SPMIP4: variants seen among roughly 807,000 people sequenced by gnomAD.
The protein encoded by SPMIP4 is sperm microtubule inner protein 4.
At chr7:25,136,166 C>T in the SPMIP4 span, 1 of 1,614,016 alleles carries the variant, frequency 6.2e-7, no homozygotes, top group Non-Finnish European at 8.5e-7. This position sits in a 1 kb window ranked among gnomAD's most constrained non-coding sequence, Gnocchi z 5.7. Flanking sequence ...GGAATCCAAC[C>T]AAGAACAGGT....
chr7:25,161,029 T>C, the SPMIP4 span, among the ~76,000 whole-genome samples: 1 of 152,188 alleles, frequency 6.6e-6, no homozygotes, highest in Non-Finnish European at 1.5e-5. Flanking sequence ...TATTTGCTTT[T>C]GTTTGTTTGG....
chr7:25,151,605 T>C, the SPMIP4 span: 13 of 1,594,340 alleles, frequency 8.2e-6, no homozygotes, highest in Non-Finnish European at 9.5e-6. Flanking sequence ...CATCATAATA[T>C]ACACCTTGAC....
chr7:25,162,733 T>G, the SPMIP4 span, among the ~76,000 whole-genome samples: 1 of 152,044 alleles, frequency 6.6e-6, no homozygotes, highest in Non-Finnish European at 1.5e-5. Flanking sequence ...AAAATCCCTA[T>G]ACTATGACCC....
the SPMIP4 span, among the ~76,000 whole-genome samples, chr7:25,143,244 A>G: frequency 6.6e-6 from 1 of 152,232 alleles, no homozygotes; most frequent in Non-Finnish European, 1.5e-5. Context: ...TGAAGTTTAA[A>G]TCACTCAAAT....
At chr7:25,165,481 C>T in the SPMIP4 span, among the ~76,000 whole-genome samples, 72 of 152,058 alleles carry the variant, frequency 4.7e-4, 1 homozygote, top group African/African-American at 1.7e-3. Flanking sequence ...TAGACGGAGT[C>T]TCACTCTGTC....
the SPMIP4 span, chr7:25,135,219 T>C: frequency 1.1e-4 from 70 of 630,938 alleles, no homozygotes; most frequent in Non-Finnish European, 1.4e-4. Flanking sequence ...CCTTTCTTGC[T>C]ATAATTAGAA....
the SPMIP4 span, among the ~76,000 whole-genome samples, chr7:25,134,259 TAAACAA>T: frequency 2.6e-4 from 38 of 144,172 alleles, no homozygotes; most frequent in East Asian, 5.8e-3. Context: ...GACTCTGACT[TAAACAA>T]AAACAAAAAC....
the SPMIP4 span, among the ~76,000 whole-genome samples, chr7:25,166,826 G>A: frequency 6.6e-6 from 1 of 151,284 alleles, no homozygotes; most frequent in Non-Finnish European, 1.5e-5. Flanking sequence ...ACTCAGGAAG[G>A]GGAGGTTGCA....
At chr7:25,166,073 C>A in the SPMIP4 span, among the ~76,000 whole-genome samples, 1 of 152,096 alleles carries the variant, frequency 6.6e-6, no homozygotes, top group Non-Finnish European at 1.5e-5. Context: ...AATAAGGTTG[C>A]AGGAGAGGTG....
the SPMIP4 span, among the ~76,000 whole-genome samples, chr7:25,167,014 A>G: frequency 6.6e-6 from 1 of 152,260 alleles, no homozygotes; most frequent in African/African-American, 2.4e-5. Flanking sequence ...GAAGTAGATC[A>G]TCCTTAAGAA....
At chr7:25,158,037 C>G in the SPMIP4 span, among the ~76,000 whole-genome samples, 2 of 152,116 alleles carry the variant, frequency 1.3e-5, no homozygotes, top group African/African-American at 4.8e-5. Context: ...AGTAATGTTA[C>G]CCTGGACTTG....
chr7:25,136,250 A>G, the SPMIP4 span: 1 of 1,614,136 alleles, frequency 6.2e-7, no homozygotes, highest in Non-Finnish European at 8.5e-7. The surrounding 1 kb of genome is among the most constrained non-coding windows in gnomAD (Gnocchi z 5.7). Context: ...TCTAAAGTGA[A>G]AGCTTCCGTG....
the SPMIP4 span, among the ~76,000 whole-genome samples, chr7:25,169,284 T>C: frequency 2.6e-5 from 4 of 152,250 alleles, no homozygotes; most frequent in African/African-American, 9.6e-5. Flanking sequence ...CTTTAAAGTT[T>C]ATTCACAGAT....
At chr7:25,153,824 T>C in the SPMIP4 span, among the ~76,000 whole-genome samples, 1 of 152,258 alleles carries the variant, frequency 6.6e-6, no homozygotes, top group Non-Finnish European at 1.5e-5. Flanking sequence ...TGGTGCTCGA[T>C]ACTAACAGCC....
chr7:25,131,145 T>C, the SPMIP4 span, among the ~76,000 whole-genome samples: 4 of 152,334 alleles, frequency 2.6e-5, no homozygotes, highest in East Asian at 7.7e-4. The surrounding 1 kb of genome is among the most constrained non-coding windows in gnomAD (Gnocchi z 4.2). Flanking sequence ...TGAACTCTAT[T>C]GTGAACTGCA....
At chr7:25,132,135 T>G in the SPMIP4 span, among the ~76,000 whole-genome samples, 1 of 152,230 alleles carries the variant, frequency 6.6e-6, no homozygotes, top group Non-Finnish European at 1.5e-5. This position sits in a 1 kb window ranked among gnomAD's most constrained non-coding sequence, Gnocchi z 5.0. Context: ...TGGGTTTCTA[T>G]CCCGATCATT....
chr7:25,128,114 T>C, the SPMIP4 span, among the ~76,000 whole-genome samples: 4 of 152,254 alleles, frequency 2.6e-5, no homozygotes, highest in African/African-American at 9.6e-5. The surrounding 1 kb of genome is among the most constrained non-coding windows in gnomAD (Gnocchi z 4.5). Flanking sequence ...ACAAGCACCC[T>C]TGTGGCTGCC....
chr7:25,153,953 A>G, the SPMIP4 span, among the ~76,000 whole-genome samples: 2 of 152,238 alleles, frequency 1.3e-5, no homozygotes, highest in African/African-American at 4.8e-5. Context: ...GGGTAAGAGA[A>G]TAACTGCTAA....
At chr7:25,135,515 G>A in the SPMIP4 span, 1 of 985,094 alleles carries the variant, frequency 1.0e-6, no homozygotes, top group Non-Finnish European at 1.2e-6. Flanking sequence ...TCTACCTAAT[G>A]CTACTATGTA....
Sources: allele counts gnomAD v4.1 joint callset (sites outside exome capture counted in the v4.1 genomes callset), GRCh38; gene constraint gnomAD v4.1.1; non-coding constraint Gnocchi (gnomAD v3.1); transcripts MANE v1.5; gene names NCBI Gene and HGNC (gene_info 2026-07-23, HGNC 2026-07-21).